Variants in NIN observed in about 807,000 individuals in gnomAD.
NIN encodes ninein.
NIN carries 137 observed loss-of-function variants against 257.6 expected under a neutral mutation model. The observed-to-expected ratio is 0.53, with a 90% CI of 0.46 to 0.61. NIN has a LOEUF of 0.61. Among genes scored for constraint, NIN ranks in the 20% least tolerant of loss-of-function variants. NIN has a pLI of 0.00. For synonymous variants in NIN, 918 were observed against 919.8 expected, an observed-to-expected ratio of 1.00 and a Z score of 0.04; for missense variants, 2,439 against 2,501.2, an observed-to-expected ratio of 0.98 and a Z score of 0.53.
rs144315049 is a variant in NIN at position 50,793,052 on chromosome 14, C to T, written c.266-171G>A. ...GAGCCATCAGGTCAGATGCAGAGCA[C>T]GCCTTCTAATTCTGAACGATTTATG... is the stretch of plus-strand genomic sequence containing the variant. On this transcript the variant is annotated intron_variant, in intron 4 of 30. Coordinates refer to ENST00000530997, the MANE Select transcript of NIN (RefSeq NM_020921.4). Among the ~76,000 whole-genome samples, 36 of 152,230 alleles carry T rather than the reference C, an allele frequency of 2.4e-4. 1 individual carries two copies. In the East Asian group the frequency reaches 6.4e-3, roughly 27 times the overall value.
chr14:50,746,706 T>C (rs1048526660), intron 22 of NIN, among the ~76,000 whole-genome samples: 1 of 152,218 alleles, frequency 6.6e-6, no homozygotes, highest in Non-Finnish European at 1.5e-5. Flanking sequence ...TAAATCAAGA[T>C]TGTTCCAATT....
chr14:50,814,133 G>T (rs1349820942), intron 3 of NIN, among the ~76,000 whole-genome samples: 1 of 152,052 alleles, frequency 6.6e-6, no homozygotes, highest in Non-Finnish European at 1.5e-5. Context: ...ATTTACTGCA[G>T]ACAATGTAGA....
chr14:50,725,481 T>C (rs1259670610), intron 30 of NIN, among the ~76,000 whole-genome samples: 1 of 152,140 alleles, frequency 6.6e-6, no homozygotes, highest in African/African-American at 2.4e-5. Context: ...TGTTGAGGTT[T>C]TCATAAGCTG....
intron 2 of NIN, among the ~76,000 whole-genome samples, chr14:50,826,089 T>G (rs1281532556): frequency 6.6e-6 from 1 of 152,258 alleles, no homozygotes; most frequent in East Asian, 1.9e-4. Context: ...CACTTAAGTA[T>G]GTATAATCTG....
At chr14:50,820,852 C>T (rs922690397) in intron 3 of NIN, among the ~76,000 whole-genome samples, 2 of 152,176 alleles carry the variant, frequency 1.3e-5, no homozygotes, top group African/African-American at 4.8e-5. Flanking sequence ...ATGATGGCTA[C>T]TCCTGTCTGT....
intron 12 of NIN, 126 bp downstream of exon 12, chr14:50,770,262 C>A (rs2141790337): frequency 1.1e-6 from 1 of 937,682 alleles, no homozygotes; most frequent in East Asian, 2.6e-5. Context: ...GGGTGAAGAC[C>A]CAGCTGGGCA....
rs2040287012 is a variant in NIN at position 50,722,287 on chromosome 14, G to A, written c.*1176C>T. 2 of 221,224 alleles carry A rather than the reference G, an allele frequency of 9.0e-6. No individual in the cohort carries two copies. The highest frequency in any genetic ancestry group is 1.2e-4 in the Admixed American group (2 of 17,342). 13.7% of individuals were successfully genotyped at this position (221,224 alleles called of 1,614,324 possible). A position where few individuals can be genotyped will look rare whatever the true frequency, so the allele number is the denominator to read the frequency against. ...GGCATGCCAATGATTATCACAGTAAGAAATTCTTAGAATCAGATTTGAGGT... is the reference window on the plus strand; with the variant it reads ...GGCATGCCAATGATTATCACAGTAAAAAATTCTTAGAATCAGATTTGAGGT... On this transcript the variant is annotated 3_prime_UTR_variant, in exon 31 of 31. Transcript: ENST00000530997.
chr14:50,822,494 GA>G (rs2142462749), intron 2 of NIN, among the ~76,000 whole-genome samples: 1 of 152,316 alleles, frequency 6.6e-6, no homozygotes, highest in African/African-American at 2.4e-5. Flanking sequence ...CTATTCAAGT[GA>G]ACTAATTGTT....
At chr14:50,823,854 G>C (rs1352785233) in intron 2 of NIN, among the ~76,000 whole-genome samples, 2 of 152,218 alleles carry the variant, frequency 1.3e-5, no homozygotes, top group African/African-American at 4.8e-5. Flanking sequence ...TAAGTTGAGA[G>C]TGTTATATAA....
chr14:50,756,996 C>G lies in NIN; in HGVS notation c.4034G>C (p.Cys1345Ser), dbSNP rs896686756. 6.2e-7 allele frequency: 1 copy of G among 1,613,262 alleles called. No individual in the cohort carries two copies. The highest frequency in any genetic ancestry group is 2.2e-5 in the East Asian group (1 of 44,888). The change falls in exon 18 of 31, where the codon TGC (cysteine) becomes TCC (serine). Residue 1345 changes from cysteine (C) to serine (S), a missense_variant. By Grantham distance (112) the Cys-to-Ser change is moderately radical. Coordinates refer to ENST00000530997, the MANE Select transcript of NIN (RefSeq NM_020921.4). ...LQESVVQRCD[C>S]CLWEASLENL... ...CTCTAAACTGGCTTCCCATAAGCAG[C>G]AGTCACACCGCTGGACCACGCTTTC... is the stretch of plus-strand genomic sequence containing the variant.
In NIN at chr14:50,763,938, G is replaced by A. The variant is rs1196712439; in HGVS notation, c.1662C>T (p.Leu554=). The A allele has an allele frequency of 6.2e-7, 1 of 1,614,028 alleles. No individual in the cohort carries two copies. The highest frequency in any genetic ancestry group is 1.3e-5 in the African/African-American group (1 of 74,998). Reference sequence around the variant, plus strand: ...CACGATATTCTTCCAGCTCAGACTGGAGTTCATCTACTTGGTCTTGTAGTA... The same window carrying A: ...CACGATATTCTTCCAGCTCAGACTGAAGTTCATCTACTTGGTCTTGTAGTA... ...CRVLQDQVDE[L]QSELEEYRAQ... The change falls in exon 15 of 31, where the codon CTC becomes CTT. Residue 554 remains leucine, a synonymous_variant. Transcript: ENST00000530997.
At chr14:50,747,182 G>C (rs1404379126) in intron 22 of NIN, among the ~76,000 whole-genome samples, 1 of 152,158 alleles carries the variant, frequency 6.6e-6, no homozygotes, top group Non-Finnish European at 1.5e-5. Flanking sequence ...TTGAAACTTT[G>C]AAACAGGCTT....
intron 4 of NIN, chr14:50,806,527 A>G (rs2044334061): frequency 1.3e-5 from 4 of 300,702 alleles, no homozygotes; most frequent in Non-Finnish European, 2.3e-5. Context: ...TCTCCATAAT[A>G]CTATGCTGCT....
intron 29 of NIN, chr14:50,726,409 T>C: frequency 4.6e-6 from 1 of 218,784 alleles, no homozygotes; most frequent in Admixed American, 5.2e-5. Flanking sequence ...GCTATCAACC[T>C]CCCATCTGTG....
In NIN at chr14:50,756,562, C is replaced by G; in HGVS notation, c.4468G>C (p.Glu1490Gln). The change falls in exon 18 of 31, where the codon GAG becomes CAG. Residue 1490 changes from glutamate (E) to glutamine (Q), a missense_variant. By Grantham distance (29) the Glu-to-Gln change is conservative (BLOSUM62 2). This residue lies in a region of NIN where 2,043 missense variants were observed against 2,050.2 expected (regional missense o/e 1.00). Transcript: ENST00000530997. The part of the protein sequence containing the change: ...DVLSHGEKEE[E>Q]LKAMMHDLQI... ...AAGTCATGCATCATTGCCTTCAGCT[C>G]TTCCTCCTTTTCTCCGTGAGAAAGT... is the stretch of plus-strand genomic sequence containing the variant. 1 of 1,613,306 alleles carries G rather than the reference C, an allele frequency of 6.2e-7. No individual in the cohort carries two copies. Among genetic ancestry groups the G allele is most frequent in the Non-Finnish European group, 8.5e-7 (1 of 1,179,768 alleles).
chr14:50,729,073 T>C (rs1293831591), intron 29 of NIN, among the ~76,000 whole-genome samples: 2 of 152,286 alleles, frequency 1.3e-5, no homozygotes, highest in African/African-American at 4.8e-5. Context: ...ATCAGGCCAA[T>C]TGTGCGCTGT....
At chr14:50,814,438 T>G (rs2044784558) in intron 3 of NIN, among the ~76,000 whole-genome samples, 1 of 152,238 alleles carries the variant, frequency 6.6e-6, no homozygotes, top group African/African-American at 2.4e-5. Context: ...ATGATAAGCC[T>G]TTGATACACA....
At position 50,777,123 on chromosome 14, in the gene NIN, C is replaced by G. The variant is rs771752235; in HGVS notation, c.492G>C (p.Trp164Cys). Residue 164 changes from tryptophan (W) to cysteine (C), a missense_variant, in exon 7 of 31, where the codon TGG becomes TGC. Trp to Cys is a radical substitution (Grantham distance 215). This residue lies in a region of NIN where 387 missense variants were observed against 427.3 expected (regional missense o/e 0.91). Coordinates refer to ENST00000530997, the MANE Select transcript of NIN (RefSeq NM_020921.4). ...EYEAEGQLRF[W>C]NPDDLNASQS... is the part of the protein sequence containing the mutation. Reference sequence around the variant, plus strand: ...GTGAAGCATTCAAGTCATCTGGGTTCCAAAACCTTAACTGGCCTGAGAGAG... The same window carrying G: ...GTGAAGCATTCAAGTCATCTGGGTTGCAAAACCTTAACTGGCCTGAGAGAG... 7 of 1,609,908 alleles carry G rather than the reference C, an allele frequency of 4.3e-6. No individual in the cohort carries two copies. Among genetic ancestry groups the G allele is most frequent in the Non-Finnish European group, 5.9e-6 (7 of 1,178,210 alleles).
chr14:50,817,370 A>G (rs987382661), intron 3 of NIN, among the ~76,000 whole-genome samples: 6 of 152,254 alleles, frequency 3.9e-5, no homozygotes, highest in Admixed American at 6.5e-5. Context: ...AAGAAAAATA[A>G]ATCTTAAAAA....
Sources: allele counts gnomAD v4.1 joint callset (sites outside exome capture counted in the v4.1 genomes callset), GRCh38; gene constraint gnomAD v4.1.1; regional missense constraint gnomAD v4.1.1; transcripts MANE v1.5; gene names NCBI Gene and HGNC (gene_info 2026-07-23, HGNC 2026-07-21).